Variants in SPON1 observed in about 807,000 individuals in gnomAD.
SPON1 encodes the protein spondin 1, also known as spondin-1.
SPON1 carries 52 observed loss-of-function variants against 111.7 expected under a neutral mutation model. The observed-to-expected ratio is 0.47, with a 90% CI of 0.37 to 0.59. SPON1 has a LOEUF of 0.59. SPON1 is among the 20% of genes least tolerant of loss of function. The pLI, the probability that SPON1 is intolerant of heterozygous loss-of-function variation, is 0.00. For missense variants in SPON1, 957 were observed against 1,068.5 expected (o/e 0.90, Z 1.46); for synonymous variants, 410 against 395.8 (o/e 1.04, Z -0.43).
intron 1 of SPON1, among the ~76,000 whole-genome samples, chr11:13,963,753 A>C (rs1429455581): frequency 1.3e-5 from 2 of 152,114 alleles, no homozygotes; most frequent in Non-Finnish European, 2.9e-5. Context: ...CTTGGAAAGA[A>C]CCCCAAATTA....
chr11:14,088,277 C>T (rs1554922924), intron 5 of SPON1, among the ~76,000 whole-genome samples: 1 of 152,072 alleles, frequency 6.6e-6, no homozygotes, highest in East Asian at 1.9e-4. Context: ...CCAGTTTTTC[C>T]TTTCCATGTT....
At chr11:14,252,179 C>G (rs1321932782) in intron 7 of SPON1, among the ~76,000 whole-genome samples, 3 of 152,236 alleles carry the variant, frequency 2.0e-5, no homozygotes, top group Admixed American at 6.5e-5. Flanking sequence ...ACACAGAGTT[C>G]CTTCAAGGAA....
intron 1 of SPON1, among the ~76,000 whole-genome samples, chr11:13,966,390 A>G (rs1848016530): frequency 6.6e-6 from 1 of 152,218 alleles, no homozygotes; most frequent in Admixed American, 6.5e-5. Context: ...TCACAATTTC[A>G]AGCCAAACAG....
At chr11:14,145,042 G>A (rs1051699108) in intron 6 of SPON1, among the ~76,000 whole-genome samples, 8 of 152,204 alleles carry the variant, frequency 5.3e-5, no homozygotes, top group Non-Finnish European at 2.9e-5. Context: ...GACACTCAGA[G>A]TGGTGATAGG....
chr11:14,225,552 T>C (rs1310569647), intron 6 of SPON1, among the ~76,000 whole-genome samples: 1 of 152,146 alleles, frequency 6.6e-6, no homozygotes, highest in Non-Finnish European at 1.5e-5. Context: ...CCAATGAAGA[T>C]AGACTGAAGA....
chr11:14,262,790 C>A lies in SPON1; in HGVS notation c.2075C>A (p.Thr692Asn), dbSNP rs367841434. 3 of 1,613,762 alleles carry A rather than the reference C, an allele frequency of 1.9e-6. No homozygotes were observed. Among genetic ancestry groups the A allele is most frequent in the Middle Eastern group, 1.6e-4 (1 of 6,084 alleles). Residue 692 changes from threonine to asparagine, a missense_variant, in exon 15 of 16, where the codon ACC becomes AAC. This residue lies in a region of SPON1 where 549 missense variants were observed against 606.2 expected (regional missense o/e 0.91). Transcript: ENST00000576479. ...TGTGGGAAAGGCCACGTGATTCGAACCCGGATGATCCAAATGGAGCCTCAG... is the reference window on the plus strand; with the variant it reads ...TGTGGGAAAGGCCACGTGATTCGAAACCGGATGATCCAAATGGAGCCTCAG... ...KSCGKGHVIR[T>N]RMIQMEPQFG...
chr11:14,050,732 C>A (rs575984900), intron 3 of SPON1, among the ~76,000 whole-genome samples: 2 of 152,234 alleles, frequency 1.3e-5, no homozygotes, highest in South Asian at 4.2e-4. Flanking sequence ...TGGTGTTTGA[C>A]CCCAGTTGGG....
chr11:14,014,165 C>T (rs1041555479), intron 2 of SPON1, among the ~76,000 whole-genome samples: 13 of 152,154 alleles, frequency 8.5e-5, no homozygotes, highest in Non-Finnish European at 1.9e-4. Flanking sequence ...AGATCTTCAT[C>T]TTGCAGCTAC....
At chr11:14,136,597 C>T (rs1181608394) in intron 6 of SPON1, among the ~76,000 whole-genome samples, 1 of 152,210 alleles carries the variant, frequency 6.6e-6, no homozygotes, top group East Asian at 1.9e-4. Context: ...AAGCTGCCCA[C>T]AGACCCTAAA....
chr11:14,077,902 T>A (rs1591369322), intron 4 of SPON1, among the ~76,000 whole-genome samples: 1 of 145,986 alleles, frequency 6.8e-6, no homozygotes. Context: ...AACAGGATAA[T>A]GAGAAAAGGA....
chr11:14,115,610 C>T (rs1001521792), intron 5 of SPON1, among the ~76,000 whole-genome samples: 3 of 152,118 alleles, frequency 2.0e-5, no homozygotes, highest in Non-Finnish European at 4.4e-5. Flanking sequence ...TATGTTCTTT[C>T]TCATAGCTGT....
At chr11:14,188,208 C>T (rs1270010638) in intron 6 of SPON1, among the ~76,000 whole-genome samples, 2 of 152,066 alleles carry the variant, frequency 1.3e-5, no homozygotes, top group Non-Finnish European at 2.9e-5. Context: ...GTGCCCGGCC[C>T]GTAAAAGACT....
rs1409347042 is a variant in SPON1, at chr11:13,962,890, T to A, written c.-15T>A. On this transcript the variant is annotated 5_prime_UTR_variant, in exon 1 of 16. It adds an upstream start codon to the 5' untranslated region. Transcript: ENST00000576479. ...GAAGGCCTGCGGCCGCGGCACAAAG[T>A]TGGGGGCCGCGAAGATGAGGCTGTC... 4.4e-5 allele frequency: 65 copies of A among 1,492,746 alleles called. No individual in the cohort carries two copies. Among genetic ancestry groups the A allele is most frequent in the Middle Eastern group, 1.9e-4 (1 of 5,188 alleles). The allele number at this position is 1,492,746 out of a possible 1,614,324, so 92.5% of individuals were successfully genotyped here.
chr11:14,237,820 T>C (rs1445599587), intron 6 of SPON1, among the ~76,000 whole-genome samples: 1 of 152,176 alleles, frequency 6.6e-6, no homozygotes, highest in African/African-American at 2.4e-5. Context: ...CGTGTGGCTG[T>C]GATATGCAGA....
In SPON1 at chr11:13,963,097, G is replaced by T; in HGVS notation, c.193G>T (p.Val65Leu). 1.3e-6 allele frequency: 2 copies of T among 1,549,464 alleles called. No homozygotes were observed. The highest frequency in any genetic ancestry group is 1.7e-6 in the Non-Finnish European group (2 of 1,149,798). ...GGGCTACACCGAGTTCAGCCTCCGC[G>T]TGGAGGGCGACCCCGACTTCTACAA... ...REGYTEFSLR[V>L]EGDPDFYKPG... Residue 65 changes from valine to leucine, a missense_variant, in exon 1 of 16, where the codon GTG becomes TTG. Val to Leu is a conservative substitution (Grantham distance 32, BLOSUM62 1). Coordinates refer to ENST00000576479, the MANE Select transcript of SPON1 (RefSeq NM_006108.4).
chr11:14,179,764 CTT>C (rs1318547610), intron 6 of SPON1, among the ~76,000 whole-genome samples: 1 of 152,114 alleles, frequency 6.6e-6, no homozygotes, highest in Non-Finnish European at 1.5e-5. Context: ...TATAAGTCTA[CTT>C]TCCTCTTCTG....
intron 4 of SPON1, among the ~76,000 whole-genome samples, chr11:14,079,326 G>T (rs1403999427): frequency 6.6e-6 from 1 of 152,158 alleles, no homozygotes; most frequent in Non-Finnish European, 1.5e-5. Flanking sequence ...TCCTCCCAGT[G>T]AAGTCTCTGA....
At chr11:14,019,061 A>G (rs1554914565) in intron 2 of SPON1, among the ~76,000 whole-genome samples, 1 of 152,176 alleles carries the variant, frequency 6.6e-6, no homozygotes, top group African/African-American at 2.4e-5. Flanking sequence ...CTTGACCAAG[A>G]CAGAGTTTGA....
chr11:14,160,913 A>G (rs1289961742), intron 6 of SPON1, among the ~76,000 whole-genome samples: 5 of 49,028 alleles, frequency 1.0e-4, no homozygotes, highest in African/African-American at 1.7e-4. Flanking sequence ...ATTTATATAT[A>G]TATTTATATA....
Sources: allele counts gnomAD v4.1 joint callset (sites outside exome capture counted in the v4.1 genomes callset), GRCh38; gene constraint gnomAD v4.1.1; regional missense constraint gnomAD v4.1.1; transcripts MANE v1.5; gene names NCBI Gene and HGNC (gene_info 2026-07-23, HGNC 2026-07-21).